Variants in FRMD3 observed in about 807,000 individuals in gnomAD.
FRMD3 encodes FERM domain-containing protein 3.
FRMD3 carries 33 observed loss-of-function variants against 70.2 expected under a neutral mutation model. The observed-to-expected ratio is 0.47, with a 90% confidence interval of 0.36 to 0.63. FRMD3 has a LOEUF of 0.63. FRMD3 is among the 20% of genes least tolerant of loss of function. The probability of loss-of-function intolerance (pLI) is 0.00; values close to 1 mark genes in which losing one functional copy is unlikely to be tolerated. For missense variants in FRMD3, 632 were observed against 711.4 expected, an observed-to-expected ratio of 0.89 and a Z score of 1.27; for synonymous variants, 279 against 255.9, an observed-to-expected ratio of 1.09 and a Z score of -0.86.
At chr9:83,513,213 T>C (rs1698825880) in intron 1 of FRMD3, among the ~76,000 whole-genome samples, 1 of 152,222 alleles carries the variant, frequency 6.6e-6, no homozygotes. Flanking sequence ...CTCCAGGTCA[T>C]TTGGCCACAC....
At chr9:83,506,043 T>G (rs1451032552) in intron 1 of FRMD3, among the ~76,000 whole-genome samples, 1 of 152,202 alleles carries the variant, frequency 6.6e-6, no homozygotes, top group African/African-American at 2.4e-5. Context: ...GCTGGTCAGC[T>G]GCGCTGGTCA....
chr9:83,341,829 C>G (rs1471666777), intron 5 of FRMD3, among the ~76,000 whole-genome samples: 1 of 152,142 alleles, frequency 6.6e-6, no homozygotes, highest in Non-Finnish European at 1.5e-5. Context: ...AGACCAAACA[C>G]AACTGAGAAC....
chr9:83,543,850 G>C, the FRMD3 span, among the ~76,000 whole-genome samples: 3 of 152,212 alleles, frequency 2.0e-5, no homozygotes, highest in Non-Finnish European at 4.4e-5. Flanking sequence ...GAAGAGTGTG[G>C]TTCTGCCATA....
At chr9:83,553,312 T>C in the FRMD3 span, among the ~76,000 whole-genome samples, 56 of 152,352 alleles carry the variant, frequency 3.7e-4, no homozygotes, top group African/African-American at 1.1e-3. Flanking sequence ...CAATCTCTTC[T>C]GGCTTGTAGG....
At chr9:83,403,873 C>A (rs929333565) in intron 1 of FRMD3, among the ~76,000 whole-genome samples, 11 of 151,972 alleles carry the variant, frequency 7.2e-5, no homozygotes, top group South Asian at 2.1e-4. Flanking sequence ...TTTTTTTCCC[C>A]TCTCAAACCC....
chr9:83,479,687 A>G (rs193242667), intron 1 of FRMD3, among the ~76,000 whole-genome samples: 822 of 72,312 alleles, frequency 0.011, 8 homozygotes, highest in Non-Finnish European at 0.015. Flanking sequence ...AAAGAAAGAA[A>G]GAAAGAAAGA....
At chr9:83,322,587 T>A (rs1835842384) in intron 6 of FRMD3, among the ~76,000 whole-genome samples, 1 of 152,212 alleles carries the variant, frequency 6.6e-6, no homozygotes. Flanking sequence ...TAGGCTTGGA[T>A]GCCTGTGGGA....
intron 1 of FRMD3, among the ~76,000 whole-genome samples, chr9:83,532,951 A>T (rs961040204): frequency 3.3e-5 from 5 of 152,236 alleles, no homozygotes; most frequent in African/African-American, 1.2e-4. Flanking sequence ...AATGCACTGA[A>T]GATGCCAGAG....
intron 1 of FRMD3, among the ~76,000 whole-genome samples, chr9:83,530,176 T>C (rs1829765689): frequency 1.3e-5 from 2 of 152,180 alleles, no homozygotes; most frequent in South Asian, 4.1e-4. Flanking sequence ...AGAGAGCAAC[T>C]TTTTCAGGAA....
At chr9:83,421,098 G>A (rs796888065) in intron 1 of FRMD3, among the ~76,000 whole-genome samples, 20 of 151,388 alleles carry the variant, frequency 1.3e-4, no homozygotes, top group African/African-American at 4.4e-4. Context: ...CCGCCACCAC[G>A]CCCGGCTAAT....
At chr9:83,523,014 G>A (rs1829610173) in intron 1 of FRMD3, among the ~76,000 whole-genome samples, 1 of 152,118 alleles carries the variant, frequency 6.6e-6, no homozygotes, top group South Asian at 2.1e-4. Context: ...ATAGTGCTAT[G>A]CTGAATCTGT....
chr9:83,264,379 G>T lies in FRMD3; in HGVS notation c.1196-15863C>A, dbSNP rs113895408. On this transcript the variant is annotated intron_variant, in intron 13 of 13. Transcript: ENST00000304195. ...AACTATTATGTATGATACAACAGGG[G>T]TAGATACATGCCATTAAACATTTGT... is the stretch of plus-strand genomic sequence containing the variant. Among the ~76,000 whole-genome samples the T allele has an allele frequency of 6.7e-3, 1,018 of 152,278 alleles. 9 individuals carry two copies. Among genetic ancestry groups the T allele is most frequent in the East Asian group, 0.032 (166 of 5,184 alleles).
At chr9:83,363,002 C>T (rs190283902) in intron 3 of FRMD3, among the ~76,000 whole-genome samples, 50 of 150,436 alleles carry the variant, frequency 3.3e-4, no homozygotes, top group African/African-American at 1.1e-3. Flanking sequence ...TTCCTTCCTT[C>T]TCTACTTCCT....
intron 1 of FRMD3, among the ~76,000 whole-genome samples, chr9:83,457,273 G>C (rs1827845039): frequency 6.6e-6 from 1 of 152,204 alleles, no homozygotes; most frequent in Admixed American, 6.5e-5. Context: ...CAACTACTCA[G>C]AAATATCAAC....
chr9:83,369,409 C>G (rs1430434745), intron 3 of FRMD3, among the ~76,000 whole-genome samples: 3 of 151,858 alleles, frequency 2.0e-5, no homozygotes, highest in Non-Finnish European at 4.4e-5. Context: ...AACCCTGTCT[C>G]TACTAAAAAT....
In FRMD3 at chr9:83,248,367, G is replaced by A. The variant is rs912611825; in HGVS notation, c.1345C>T (p.Pro449Ser). The A allele has an allele frequency of 6.8e-6, 11 of 1,613,930 alleles. No individual in the cohort carries two copies. The highest frequency in any genetic ancestry group is 1.7e-5 in the Admixed American group (1 of 59,990). Residue 449 changes from proline to serine, a missense_variant, in exon 14 of 14, where the codon CCA becomes TCA. By Grantham distance (74) the Pro-to-Ser change is moderately conservative. Coordinates refer to ENST00000304195, the MANE Select transcript of FRMD3 (RefSeq NM_174938.6). ...PLTISELVYN[P>S]SASLLPTPVD... The stretch of plus-strand genomic sequence containing the variant: ...GGGGTGGGGAGCAGGCTGGCACTTG[G>A]GTTGTACACTAGTTCAGAGATGGTT...
At chr9:83,512,676 C>T (rs1829364764) in intron 1 of FRMD3, among the ~76,000 whole-genome samples, 1 of 152,206 alleles carries the variant, frequency 6.6e-6, no homozygotes, top group Admixed American at 6.5e-5. Context: ...TTCTGCTCAC[C>T]TCTTCTTGAA....
the FRMD3 span, among the ~76,000 whole-genome samples, chr9:83,565,600 G>A: frequency 2.2e-4 from 34 of 152,296 alleles, no homozygotes; most frequent in East Asian, 4.0e-3. Flanking sequence ...GATACTGCCC[G>A]TAGCGCCCTG....
chr9:83,552,148 TC>T, the FRMD3 span, among the ~76,000 whole-genome samples: 2 of 152,220 alleles, frequency 1.3e-5, no homozygotes, highest in East Asian at 3.8e-4. Flanking sequence ...CTTAGCTGTG[TC>T]CCACAGATTC....
Sources: allele counts gnomAD v4.1 joint callset (sites outside exome capture counted in the v4.1 genomes callset), GRCh38; gene constraint gnomAD v4.1.1; transcripts MANE v1.5; gene names NCBI Gene and HGNC (gene_info 2026-07-23, HGNC 2026-07-21).